EIF4G3: variants seen among roughly 807,000 people sequenced by gnomAD.
EIF4G3 encodes eIF-4-gamma 3.
A neutral mutation model predicts 186.4 loss-of-function variants in EIF4G3; 34 were observed. The ratio of observed to expected loss-of-function variants is 0.18; its 90% CI spans 0.14 to 0.24. The LOEUF is 0.24. EIF4G3 is among the 10% of genes least tolerant of loss of function. The probability of loss-of-function intolerance (pLI) is 1.00; values close to 1 mark genes in which losing one functional copy is unlikely to be tolerated. For missense variants in EIF4G3, 1,536 were observed against 1,948.5 expected (o/e 0.79, Z 3.99); for synonymous variants, 673 against 679.5 (o/e 0.99, Z 0.15).
intron 3 of EIF4G3, among the ~76,000 whole-genome samples, chr1:21,067,184 T>C (rs564365209): frequency 2.7e-5 from 4 of 148,576 alleles, no homozygotes; most frequent in South Asian, 2.1e-4. Flanking sequence ...CTAGGGTGGA[T>C]TGCAATGGCA....
At chr1:21,057,816 T>G (rs2094637655) in intron 3 of EIF4G3, among the ~76,000 whole-genome samples, 1 of 152,162 alleles carries the variant, frequency 6.6e-6, no homozygotes, top group South Asian at 2.1e-4. Context: ...GAAATACTGC[T>G]GCAAGAAAGA....
chr1:20,969,960 A>C (rs1301540371), intron 11 of EIF4G3, among the ~76,000 whole-genome samples: 1 of 151,984 alleles, frequency 6.6e-6, no homozygotes, highest in Admixed American at 6.5e-5. Flanking sequence ...GCATAGATAA[A>C]AGTTCCTTTT....
chr1:20,959,830 G>C (rs953272053), intron 12 of EIF4G3, among the ~76,000 whole-genome samples: 1 of 152,006 alleles, frequency 6.6e-6, no homozygotes, highest in Non-Finnish European at 1.5e-5. Context: ...ACCACAAAGC[G>C]ATACCATCTT....
At chr1:21,148,256 A>G (rs138503933) in intron 2 of EIF4G3, among the ~76,000 whole-genome samples, 93 of 152,196 alleles carry the variant, frequency 6.1e-4, no homozygotes, top group Admixed American at 2.6e-3. Flanking sequence ...AATTTCACAG[A>G]GACAAGGTCT....
chr1:20,999,231 T>C (rs1400190422), intron 6 of EIF4G3: 1 of 268,554 alleles, frequency 3.7e-6, no homozygotes. Flanking sequence ...GGCTAATCAA[T>C]ATAATATAGT....
chr1:20,988,701 T>C (rs184356263), intron 7 of EIF4G3, among the ~76,000 whole-genome samples: 2 of 152,178 alleles, frequency 1.3e-5, no homozygotes, highest in East Asian at 1.9e-4. Context: ...GAGGGAGATG[T>C]ATACAGAGAT....
chr1:20,969,552 C>G lies in EIF4G3; in HGVS notation c.636G>C (p.Glu212Asp). ...TGCTGCCACCTCCAGACATAATCTC[C>G]TCTGTTATGTCTTTACCTCCCTGGT... ...DPNQGGKDITEEIMSGGGSRN... is the reference protein window; with the variant it reads ...DPNQGGKDITDEIMSGGGSRN... Residue 212 changes from glutamate (E) to aspartate (D), a missense_variant, in exon 12 of 37, where the codon GAG becomes GAC. Glu to Asp is a conservative substitution (Grantham distance 45). Coordinates refer to ENST00000602326, the MANE Select transcript of EIF4G3 (RefSeq NM_001391906.1). 6.2e-7 allele frequency: 1 copy of G among 1,613,272 alleles called. No individual in the cohort carries two copies. Among genetic ancestry groups the G allele is most frequent in the East Asian group, 2.2e-5 (1 of 44,850 alleles).
chr1:20,991,493 G>C (rs1339831711), intron 7 of EIF4G3, among the ~76,000 whole-genome samples: 1 of 152,018 alleles, frequency 6.6e-6, no homozygotes. Flanking sequence ...ACTTGAACCT[G>C]GGAGGAGGAG....
rs545771498 is a variant in EIF4G3, at chr1:21,040,878, A to C, written c.-67+9988T>G. ...CCCAGCAGCCATACTTCAACCAATC[A>C]TAGACTGCTGAGTGTTCAAACAAGG... On this transcript the variant is annotated intron_variant, in intron 4 of 36. Coordinates refer to ENST00000602326, the MANE Select transcript of EIF4G3 (RefSeq NM_001391906.1). Among the ~76,000 whole-genome samples the C allele has an allele frequency of 2.6e-5, 4 of 152,264 alleles. No individual in the cohort carries two copies. In the East Asian group the frequency reaches 7.7e-4, roughly 29 times the overall value.
chr1:20,965,748 AAAT>A (rs1428348958), intron 12 of EIF4G3, among the ~76,000 whole-genome samples: 2 of 81,384 alleles, frequency 2.5e-5, no homozygotes, highest in Non-Finnish European at 6.3e-5. Flanking sequence ...GTGCCTCCTG[AAAT>A]AATAATAATT....
At chr1:21,168,524 G>C (rs1482960553) in intron 2 of EIF4G3, among the ~76,000 whole-genome samples, 3 of 151,620 alleles carry the variant, frequency 2.0e-5, no homozygotes, top group African/African-American at 4.8e-5. Context: ...CCGGGCTCAA[G>C]CAATCCTCCG....
At chr1:20,906,781 G>C (rs546334768) in intron 14 of EIF4G3, among the ~76,000 whole-genome samples, 2 of 150,836 alleles carry the variant, frequency 1.3e-5, no homozygotes, top group African/African-American at 4.8e-5. Context: ...GACTTCTTTA[G>C]GAGACACTTA....
chr1:20,975,391 A>C (rs74061346), intron 10 of EIF4G3, among the ~76,000 whole-genome samples: 15,045 of 151,548 alleles, frequency 0.099, 963 homozygotes, highest in East Asian at 0.26. Flanking sequence ...AAAAACAAAA[A>C]AAAAAAAAAC....
chr1:20,940,594 G>A (rs2095676484), intron 14 of EIF4G3, among the ~76,000 whole-genome samples: 1 of 152,172 alleles, frequency 6.6e-6, no homozygotes, highest in African/African-American at 2.4e-5. Flanking sequence ...TCAACTGCTG[G>A]AGGAGCACTC....
At position 20,857,477 on chromosome 1, in the gene EIF4G3, C is replaced by T. The variant is rs2075296818; in HGVS notation, c.3265G>A (p.Gly1089Ser). Residue 1089 changes from glycine to serine, a missense_variant, in exon 25 of 37, where the codon GGT becomes AGT. Gly to Ser is a moderately conservative substitution (Grantham distance 56). Coordinates refer to ENST00000602326, the MANE Select transcript of EIF4G3 (RefSeq NM_001391906.1). ...RRPGVQRVDE[G>S]GWNTVQGAKN... Reference sequence around the variant, plus strand: ...GCCCCTTGTACAGTGTTCCACCCACCTTCGTCCACTCTCTGGACACCTGCA... The same window carrying T: ...GCCCCTTGTACAGTGTTCCACCCACTTTCGTCCACTCTCTGGACACCTGCA... 3.7e-6 allele frequency: 6 copies of T among 1,614,152 alleles called. No individual in the cohort carries two copies. Among genetic ancestry groups the T allele is most frequent in the Non-Finnish European group, 5.1e-6 (6 of 1,180,030 alleles).
At chr1:21,169,055 G>A (rs983227228) in intron 2 of EIF4G3, among the ~76,000 whole-genome samples, 17 of 151,836 alleles carry the variant, frequency 1.1e-4, no homozygotes, top group South Asian at 2.1e-4. Flanking sequence ...CCTGTGGTCC[G>A]AGCTCCTTGG....
At chr1:21,156,127 C>CA (rs59546159) in intron 2 of EIF4G3, among the ~76,000 whole-genome samples, 53,460 of 124,994 alleles carry the variant, frequency 0.43, 10,705 homozygotes, top group Non-Finnish European at 0.48. Flanking sequence ...AACTCTGTCT[C>CA]AAAAAAAAAA....
At chr1:21,028,699 A>T (rs1455567165) in intron 4 of EIF4G3, among the ~76,000 whole-genome samples, 1 of 152,256 alleles carries the variant, frequency 6.6e-6, no homozygotes, top group Non-Finnish European at 1.5e-5. Flanking sequence ...AGAGCTACTC[A>T]TGATACATAA....
chr1:20,822,588 CT>C (rs71014119), intron 33 of EIF4G3, among the ~76,000 whole-genome samples: 2,926 of 129,672 alleles, frequency 0.023, 43 homozygotes, highest in Non-Finnish European at 0.03. Flanking sequence ...GTTCTAATTT[CT>C]TTTTTTTTTT....
Sources: allele counts gnomAD v4.1 joint callset (sites outside exome capture counted in the v4.1 genomes callset), GRCh38; gene constraint gnomAD v4.1.1; transcripts MANE v1.5; gene names NCBI Gene and HGNC (gene_info 2026-07-23, HGNC 2026-07-21).